Variants in AFF4 observed in about 807,000 individuals in gnomAD.
The protein encoded by AFF4 is AF4/FMR2 family member 4.
A neutral mutation model predicts 124.8 loss-of-function variants in AFF4; 13 were observed. That is an observed-to-expected ratio of 0.10 (90% CI 0.07 to 0.17). The LOEUF is 0.17. AFF4 is among the 10% of genes least tolerant of loss of function. The pLI, the probability that AFF4 is intolerant of heterozygous loss-of-function variation, is 1.00. For synonymous variants in AFF4, 477 were observed against 496.1 expected (o/e 0.96, Z 0.51); for missense variants, 1,092 against 1,403.8 (o/e 0.78, Z 3.55).
In AFF4 at chr5:132,887,526, T is replaced by C. The variant is rs141975451; in HGVS notation, c.3000A>G (p.Val1000=). The C allele has an allele frequency of 1.2e-3, 1,888 of 1,613,706 alleles. 24 individuals are homozygous for C. The East Asian group carries it at 0.029, about 24-fold the overall frequency. ...DATAADKRLT[V]LCLRCESLLY... ...CTAGAACACAGAAAACTCACCAAAG[T>C]ACTGTGAGTCGTTTATCTGCAGCTG... Residue 1000 remains valine, a synonymous_variant, in exon 17 of 21, where the codon GTA becomes GTG. Coordinates refer to ENST00000265343, the MANE Select transcript of AFF4 (RefSeq NM_014423.4).
chr5:132,935,242 T>C (rs560633881), intron 2 of AFF4, among the ~76,000 whole-genome samples: 117 of 152,306 alleles, frequency 7.7e-4, no homozygotes, highest in South Asian at 1.7e-3. Context: ...TTCCAAGATT[T>C]TGAGGCTCCA....
At chr5:132,934,112 G>A (rs779637687) in intron 3 of AFF4, 35 bp downstream of exon 3, 1 of 1,576,318 alleles carries the variant, frequency 6.3e-7, no homozygotes, top group African/African-American at 1.4e-5. Context: ...GCTTCACGTA[G>A]TCACAATGTT....
At chr5:132,908,513 T>TG (rs1418496418) in intron 5 of AFF4, among the ~76,000 whole-genome samples, 3 of 151,962 alleles carry the variant, frequency 2.0e-5, no homozygotes, top group African/African-American at 7.2e-5. Context: ...TGTTCCTTGT[T>TG]GTAAATCATT....
chr5:132,958,464 T>G (rs1282738285), intron 1 of AFF4, among the ~76,000 whole-genome samples: 1 of 26,006 alleles, frequency 3.8e-5, no homozygotes, highest in Admixed American at 5.9e-4. Flanking sequence ...AGACCCTGTC[T>G]CAAAAAAAAA....
chr5:132,889,559 C>T (rs974714122), intron 13 of AFF4, among the ~76,000 whole-genome samples: 7 of 152,208 alleles, frequency 4.6e-5, no homozygotes, highest in Non-Finnish European at 7.3e-5. Context: ...TATGTGCTTA[C>T]TACTTACCAG....
chr5:132,947,399 C>A (rs181136607), intron 1 of AFF4, among the ~76,000 whole-genome samples: 12 of 152,222 alleles, frequency 7.9e-5, no homozygotes, highest in South Asian at 2.1e-4. Flanking sequence ...TAAGACTCTG[C>A]CTCGAAAACA....
At chr5:132,890,401 G>A (rs979677480) in intron 13 of AFF4, among the ~76,000 whole-genome samples, 1 of 151,822 alleles carries the variant, frequency 6.6e-6, no homozygotes, top group Non-Finnish European at 1.5e-5. Context: ...CCAAAGTGTT[G>A]GAATTACAGG....
chr5:132,949,339 AC>A (rs1263880619), intron 1 of AFF4, among the ~76,000 whole-genome samples: 2 of 151,064 alleles, frequency 1.3e-5, no homozygotes, highest in South Asian at 2.1e-4. Flanking sequence ...AAGCCATCAT[AC>A]CTGGCTCTCT....
chr5:132,934,099 A>G (rs761666439), intron 3 of AFF4, 48 bp downstream of exon 3: 15 of 1,548,480 alleles, frequency 9.7e-6, no homozygotes, highest in Middle Eastern at 2.0e-4. Context: ...TGATCAGTCA[A>G]TTGCTTCACG....
intron 5 of AFF4, among the ~76,000 whole-genome samples, chr5:132,914,391 A>T (rs1760861673): frequency 6.6e-6 from 1 of 152,042 alleles, no homozygotes; most frequent in Non-Finnish European, 1.5e-5. Context: ...TCATGAGGTC[A>T]GGAGTTCGAG....
At chr5:132,890,849 A>G (rs2150068601) in intron 13 of AFF4, among the ~76,000 whole-genome samples, 1 of 152,242 alleles carries the variant, frequency 6.6e-6, no homozygotes, top group East Asian at 1.9e-4. Flanking sequence ...TAAAACACAA[A>G]ATAAGACACA....
rs369699899 is a variant in AFF4, at chr5:132,963,455, G to A, written c.-201C>T. On this transcript the variant is annotated 5_prime_UTR_variant, in exon 1 of 21. Transcript: ENST00000265343. ...AGGCGGCGTCGGCGGCGGCGGCAGC[G>A]ATGCGCCTCACACGGAACAGGCGTA... The A allele has an allele frequency of 1.5e-4, 61 of 398,220 alleles. No individual in the cohort carries two copies. In the East Asian group the frequency reaches 2.1e-3, roughly 13 times the overall value. The allele number at this position is 398,220 out of a possible 1,614,324, so 24.7% of individuals were successfully genotyped here.
chr5:132,939,173 T>TGC lies in AFF4; in HGVS notation c.-4-1982_-4-1981dup, dbSNP rs1244504207. On this transcript the variant is annotated intron_variant, in intron 1 of 20. Coordinates refer to ENST00000265343, the MANE Select transcript of AFF4 (RefSeq NM_014423.4). ...CAGAGGTTGCAGTGAGCCATGATTG[T>TGC]GCCACTGATCTCCAGCCTGGGAGAC... 3.5e-5 allele frequency among the ~76,000 whole-genome samples: 5 copies of TGC among 144,654 alleles called. No homozygotes were observed. The East Asian group carries it at 1.0e-3, about 30-fold the overall frequency. The allele number at this position is 144,654 out of a possible 152,430, so 94.9% of individuals were successfully genotyped here.
At chr5:132,962,712 G>A (rs931689747) in intron 1 of AFF4, among the ~76,000 whole-genome samples, 1 of 151,868 alleles carries the variant, frequency 6.6e-6, no homozygotes, top group Non-Finnish European at 1.5e-5. Context: ...GACCGATTCA[G>A]AAGTTGTAGG....
chr5:132,926,121 C>T, intron 5 of AFF4: 1 of 288,600 alleles, frequency 3.5e-6, no homozygotes, highest in Non-Finnish European at 7.0e-6. Context: ...ATGAAAGATA[C>T]AGAACAATAT....
At chr5:132,922,887 A>G (rs757953950) in intron 5 of AFF4, among the ~76,000 whole-genome samples, 1 of 151,862 alleles carries the variant, frequency 6.6e-6, no homozygotes, top group Non-Finnish European at 1.5e-5. Context: ...GTAATTAAAA[A>G]GAATGGGGGC....
At chr5:132,899,693 G>A in intron 7 of AFF4, 52 bp from the exon 8 acceptor site, 1 of 1,473,856 alleles carries the variant, frequency 6.8e-7, no homozygotes, top group South Asian at 1.2e-5. Flanking sequence ...TACATGGTAT[G>A]CCAGAGTACT....
chr5:132,896,353 T>G lies in AFF4; in HGVS notation c.2277A>C (p.Lys759Asn), dbSNP rs200579628. 8 of 1,597,450 alleles carry G rather than the reference T, an allele frequency of 5.0e-6. No individual in the cohort carries two copies. The highest frequency in any genetic ancestry group is 6.8e-6 in the Non-Finnish European group (8 of 1,175,856). The stretch of plus-strand genomic sequence containing the variant: ...GCTTCCTCTTGCCTTTGTTGGAAAC[T>G]TTTTCTGAGGCTTGTTTCTGAGCCT... ...TREAQKQASE[K>N]VSNKGKRKHK... Residue 759 changes from lysine to asparagine, a missense_variant, in exon 11 of 21, where the codon AAA becomes AAC. By Grantham distance (94) the Lys-to-Asn change is moderately conservative. Coordinates refer to ENST00000265343, the MANE Select transcript of AFF4 (RefSeq NM_014423.4).
intron 5 of AFF4, among the ~76,000 whole-genome samples, chr5:132,918,292 C>A (rs1760962474): frequency 6.6e-6 from 1 of 151,906 alleles, no homozygotes; most frequent in Non-Finnish European, 1.5e-5. Flanking sequence ...ACTTAGAAGG[C>A]TGAGGCTACA....
Sources: allele counts gnomAD v4.1 joint callset (sites outside exome capture counted in the v4.1 genomes callset), GRCh38; gene constraint gnomAD v4.1.1; transcripts MANE v1.5; gene names NCBI Gene and HGNC (gene_info 2026-07-23, HGNC 2026-07-21).